COL4A2: variants seen among roughly 807,000 people sequenced by gnomAD.
COL4A2 encodes collagen type IV alpha 2 chain.
In COL4A2, 99 loss-of-function variants were observed where a neutral mutation model predicts 200.2. The observed-to-expected ratio is 0.49, with a 90% CI of 0.42 to 0.58. The LOEUF (loss-of-function observed/expected upper bound fraction) is 0.58, where lower values mean the gene tolerates loss of function less well. COL4A2 is among the 20% of genes least tolerant of loss of function. The probability of loss-of-function intolerance (pLI) is 0.00; values close to 1 mark genes in which losing one functional copy is unlikely to be tolerated. For synonymous variants in COL4A2, 897 were observed against 900.6 expected, an observed-to-expected ratio of 1.00 and a Z score of 0.07; for missense variants, 1,950 against 2,314.1, an observed-to-expected ratio of 0.84 and a Z score of 3.23.
At chr13:110,446,306 G>A (rs1881320988) in intron 17 of COL4A2, among the ~76,000 whole-genome samples, 1 of 152,288 alleles carries the variant, frequency 6.6e-6, no homozygotes, top group South Asian at 2.1e-4. Context: ...CGCACCCGTG[G>A]GGAACCTGGG....
At chr13:110,402,186 A>C (rs9515204) in intron 4 of COL4A2, among the ~76,000 whole-genome samples, 5 of 152,022 alleles carry the variant, frequency 3.3e-5, no homozygotes, top group Non-Finnish European at 7.4e-5. Flanking sequence ...TCTCATCTAA[A>C]TATCATCTAA....
At chr13:110,461,926 A>C in intron 22 of COL4A2, 188 bp from the exon 23 acceptor site, 2 of 739,276 alleles carry the variant, frequency 2.7e-6, no homozygotes, top group Non-Finnish European at 4.3e-6. Flanking sequence ...CACTGTGGCC[A>C]GTGGCCCCAC....
intron 4 of COL4A2, among the ~76,000 whole-genome samples, chr13:110,364,101 T>C (rs1203888814): frequency 1.3e-5 from 2 of 152,242 alleles, no homozygotes; most frequent in Admixed American, 1.3e-4. Flanking sequence ...TCCAGACAGA[T>C]ACTTTTAAAC....
Position 110,355,596 on chromosome 13 carries a change from C to T in COL4A2, c.100-1876C>T, listed in dbSNP as rs372359463. Among the ~76,000 whole-genome samples the T allele has an allele frequency of 3.5e-4, 5 of 14,322 alleles. 1 individual carries two copies. The highest frequency in any genetic ancestry group is 5.6e-4 in the Non-Finnish European group (5 of 8,940). The allele number at this position is 14,322 out of a possible 152,430, so 9.4% of individuals were successfully genotyped here. On this transcript the variant is annotated intron_variant, in intron 3 of 47. Transcript: ENST00000360467. ...CACCTGTGTGGGGGGAGGGCAGTAC[C>T]AGCTCACCTGTGTGTGTGGGGGAGG... is the stretch of plus-strand genomic sequence containing the variant.
rs186727012 is a variant in COL4A2 at position 110,385,585 on chromosome 13, A to G, written c.180+28033A>G. Among the ~76,000 whole-genome samples, 41 of 72,594 alleles carry G rather than the reference A, an allele frequency of 5.6e-4. 1 individual carries two copies. Among genetic ancestry groups the G allele is most frequent in the Non-Finnish European group, 7.5e-4 (23 of 30,600 alleles). 47.6% of individuals were successfully genotyped at this position (72,594 alleles called of 152,430 possible). On this transcript the variant is annotated intron_variant, in intron 4 of 47. Transcript: ENST00000360467. The stretch of plus-strand genomic sequence containing the variant: ...TAGACCGTGGCTGCAGTGTGTGGAT[A>G]GGCCGTGGTTACAGTGTGTGGATAG...
rs1884815147 is a variant in COL4A2 at position 110,307,602 on chromosome 13, G to C, written c.-45+74G>C. On this transcript the variant is annotated intron_variant, in intron 1 of 47. Transcript: ENST00000360467. The surrounding 1 kb of genome is among the most constrained non-coding windows in gnomAD (Gnocchi z 5.0). Reference sequence around the variant, plus strand: ...ACTTGGAGCGCCTTGTGCAGGCTAGGGCTGCACGCTCTCCTGCTTGGGAGT... The same window carrying C: ...ACTTGGAGCGCCTTGTGCAGGCTAGCGCTGCACGCTCTCCTGCTTGGGAGT... The C allele has an allele frequency of 3.1e-5, 16 of 515,940 alleles. No individual in the cohort carries two copies. In the South Asian group the frequency reaches 4.9e-4, roughly 16 times the overall value. 32.0% of individuals were successfully genotyped at this position (515,940 alleles called of 1,614,324 possible). A position where few individuals can be genotyped will look rare whatever the true frequency, so the allele number is the denominator to read the frequency against.
chr13:110,344,014 G>A (rs1475045521), intron 3 of COL4A2, among the ~76,000 whole-genome samples: 5 of 151,636 alleles, frequency 3.3e-5, no homozygotes, highest in Admixed American at 1.3e-4. Flanking sequence ...CTGGCATGCC[G>A]TATAAATAAT....
chr13:110,441,193 C>T (rs529957518), intron 16 of COL4A2, among the ~76,000 whole-genome samples: 5 of 152,142 alleles, frequency 3.3e-5, no homozygotes, highest in Non-Finnish European at 7.3e-5. Flanking sequence ...GAATCCTGCT[C>T]AGGGCTGCAC....
At chr13:110,493,325 C>G in intron 39 of COL4A2, 43 bp downstream of exon 39, 2 of 1,599,590 alleles carry the variant, frequency 1.3e-6, no homozygotes, top group Non-Finnish European at 1.7e-6. Context: ...GCAGAGGTGT[C>G]GAGGGTGGGG....
At chr13:110,494,171 T>C (rs555261864) in intron 39 of COL4A2, among the ~76,000 whole-genome samples, 1 of 152,322 alleles carries the variant, frequency 6.6e-6, no homozygotes, top group South Asian at 2.1e-4. Flanking sequence ...TAAAGACTCA[T>C]TATTTCCAAA....
At chr13:110,498,797 T>C (rs954933680) in intron 40 of COL4A2, among the ~76,000 whole-genome samples, 6 of 152,244 alleles carry the variant, frequency 3.9e-5, no homozygotes, top group African/African-American at 1.4e-4. Context: ...ACATTTGATC[T>C]GTGTGGGACC....
At chr13:110,361,377 G>A (rs957774713) in intron 4 of COL4A2, among the ~76,000 whole-genome samples, 6 of 152,178 alleles carry the variant, frequency 3.9e-5, no homozygotes, top group Admixed American at 3.9e-4. Flanking sequence ...TGCATAGTTT[G>A]TTCTTTCCCA....
Position 110,508,140 on chromosome 13 carries a change from C to T in COL4A2, c.4800C>T (p.Ile1600=), listed in dbSNP as rs756277847. Residue 1600 remains isoleucine (I), a synonymous_variant, in exon 47 of 48, where the codon ATC becomes ATT. Transcript: ENST00000360467. The surrounding 1 kb of genome is among the most constrained non-coding windows in gnomAD (Gnocchi z 6.1). ...CSVCEAPAIA[I]AVHSQDVSIP... is the part of the protein sequence containing the mutation. ...TGTGTGAGGCCCCGGCCATCGCCAT[C>T]GCGGTCCACAGTCAGGATGTCTCCA... 7 of 1,614,162 alleles carry T rather than the reference C, an allele frequency of 4.3e-6. No homozygotes were observed. Among genetic ancestry groups the T allele is most frequent in the African/African-American group, 4.0e-5 (3 of 74,960 alleles).
At chr13:110,483,913 T>A (rs1047917185) in intron 32 of COL4A2, among the ~76,000 whole-genome samples, 3 of 152,208 alleles carry the variant, frequency 2.0e-5, no homozygotes, top group Non-Finnish European at 2.9e-5. Flanking sequence ...TTGTAGGGTA[T>A]ATAAATTATA....
intron 4 of COL4A2, among the ~76,000 whole-genome samples, chr13:110,413,809 G>A (rs140231732): frequency 2.6e-4 from 39 of 152,298 alleles, no homozygotes; most frequent in African/African-American, 6.7e-4. Flanking sequence ...GTGAGCAGCC[G>A]GGACTGTGAT....
intron 29 of COL4A2, among the ~76,000 whole-genome samples, chr13:110,476,874 C>G (rs933854416): frequency 6.6e-6 from 1 of 152,192 alleles, no homozygotes; most frequent in Non-Finnish European, 1.5e-5. Flanking sequence ...CACATGTGCA[C>G]ACACACCCAC....
intron 40 of COL4A2, 139 bp from the exon 41 acceptor site, chr13:110,501,529 C>G: frequency 1.3e-6 from 1 of 790,534 alleles, no homozygotes; most frequent in Non-Finnish European, 2.1e-6. Flanking sequence ...TGAGATGTTC[C>G]TTGGCCTGAG....
chr13:110,425,812 T>A (rs1455451557), intron 6 of COL4A2, among the ~76,000 whole-genome samples: 2 of 151,980 alleles, frequency 1.3e-5, no homozygotes, highest in Admixed American at 1.3e-4. Context: ...GGCCATGCCT[T>A]GCAGAAGAGA....
At chr13:110,443,546 T>G (rs1295347760) in intron 16 of COL4A2, among the ~76,000 whole-genome samples, 1 of 152,222 alleles carries the variant, frequency 6.6e-6, no homozygotes, top group Non-Finnish European at 1.5e-5. Flanking sequence ...ATCATATATA[T>G]GACCTCACTG....
Sources: allele counts gnomAD v4.1 joint callset (sites outside exome capture counted in the v4.1 genomes callset), GRCh38; gene constraint gnomAD v4.1.1; non-coding constraint Gnocchi (gnomAD v3.1); transcripts MANE v1.5; gene names NCBI Gene and HGNC (gene_info 2026-07-23, HGNC 2026-07-21).